Variants in CBY1 observed in about 807,000 individuals in gnomAD.
The protein encoded by CBY1 is protein chibby homolog 1.
In CBY1, 10 loss-of-function variants were observed where a neutral mutation model predicts 15.6. The ratio of observed to expected loss-of-function variants is 0.64; its 90% CI spans 0.40 to 1.09. CBY1 has a LOEUF of 1.09. Among genes scored for constraint, CBY1 ranks in the 50% least tolerant of loss-of-function variants. The pLI is 0.01. For missense variants in CBY1, 150 were observed against 160.5 expected (o/e 0.93, Z 0.35); for synonymous variants, 61 against 63.5 (o/e 0.96, Z 0.19).
At position 38,664,062 on chromosome 22, in the gene CBY1, G is replaced by C. The variant is rs553620590; in HGVS notation, c.-38-3955G>C. Among the ~76,000 whole-genome samples, 3 of 151,818 alleles carry C rather than the reference G, an allele frequency of 2.0e-5. No individual in the cohort carries two copies. The East Asian group carries it at 5.8e-4, about 29-fold the overall frequency. The stretch of plus-strand genomic sequence containing the variant: ...GGAGAAAGCAAAAAGAAAAAAGTGG[G>C]AGAAGATATTTTCAGTACTGTACAT... On this transcript the variant is annotated intron_variant, in intron 1 of 4. Transcript: ENST00000216029.
At chr22:38,668,348 A>C in intron 2 of CBY1, 1 of 474,314 alleles carries the variant, frequency 2.1e-6, no homozygotes, top group Non-Finnish European at 3.7e-6. Context: ...TCTCATTATG[A>C]TATTTGACCC....
intron 1 of CBY1, among the ~76,000 whole-genome samples, chr22:38,660,111 G>T (rs2092417892): frequency 6.6e-6 from 1 of 152,020 alleles, no homozygotes; most frequent in Admixed American, 6.6e-5. Flanking sequence ...AGTAATAACA[G>T]TGTCTTTTTC....
rs2092459168 is a variant in CBY1 at position 38,673,525 on chromosome 22, C to T, written c.*289C>T. 3.0e-6 allele frequency: 1 copy of T among 334,774 alleles called. No homozygotes were observed. The highest frequency in any genetic ancestry group is 2.1e-5 in the African/African-American group (1 of 47,546). 20.7% of individuals were successfully genotyped at this position (334,774 alleles called of 1,614,324 possible). A position where few individuals can be genotyped will look rare whatever the true frequency, so the allele number is the denominator to read the frequency against. Reference sequence around the variant, plus strand: ...CTTTTTGGTGCTCTCCACACACAAGCTCGCAAACACACATGTCCCAGAATA... The same window carrying T: ...CTTTTTGGTGCTCTCCACACACAAGTTCGCAAACACACATGTCCCAGAATA... On this transcript the variant is annotated 3_prime_UTR_variant, in exon 5 of 5. Transcript: ENST00000216029.
At chr22:38,658,333 C>G (rs903056957) in intron 1 of CBY1, among the ~76,000 whole-genome samples, 2 of 152,072 alleles carry the variant, frequency 1.3e-5, no homozygotes, top group African/African-American at 4.8e-5. Context: ...ACCATGTTGG[C>G]CAGGATAGTC....
intron 4 of CBY1, among the ~76,000 whole-genome samples, chr22:38,672,039 G>A (rs999945868): frequency 1.3e-5 from 2 of 151,702 alleles, no homozygotes; most frequent in Admixed American, 6.6e-5. Context: ...CAAGGTGGAC[G>A]GGTCACAAGG....
intron 1 of CBY1, among the ~76,000 whole-genome samples, chr22:38,665,860 C>A (rs1188630018): frequency 2.6e-5 from 4 of 151,910 alleles, no homozygotes; most frequent in Non-Finnish European, 5.9e-5. Flanking sequence ...CATGGTAAAA[C>A]CCTGTCTCTA....
chr22:38,671,269 TCTC>T (rs1260632922), intron 4 of CBY1, 81 bp downstream of exon 4: 1 of 1,056,700 alleles, frequency 9.5e-7, no homozygotes. Context: ...CCAACAGATA[TCTC>T]CTCAATGCCA....
chr22:38,668,183 G>C, intron 2 of CBY1, 51 bp downstream of exon 2: 1 of 1,077,748 alleles, frequency 9.3e-7, no homozygotes. Context: ...GTTGAGTGCT[G>C]AGCGTGTCTC....
In CBY1 at chr22:38,673,265, G is replaced by A. The variant is rs751808183; in HGVS notation, c.*29G>A. Reference sequence around the variant, plus strand: ...CCCCAGAGACATTTATTGGGGAGTAGGATGTGGCTGAGTGCTTTTTTTTTG... The same window carrying A: ...CCCCAGAGACATTTATTGGGGAGTAAGATGTGGCTGAGTGCTTTTTTTTTG... On this transcript the variant is annotated 3_prime_UTR_variant, in exon 5 of 5. Transcript: ENST00000216029. 4 of 1,493,698 alleles carry A rather than the reference G, an allele frequency of 2.7e-6. No individual in the cohort carries two copies. The highest frequency in any genetic ancestry group is 1.1e-5 in the South Asian group (1 of 88,516). The allele number at this position is 1,493,698 out of a possible 1,614,324, so 92.5% of individuals were successfully genotyped here.
intron 2 of CBY1, 118 bp from the exon 3 acceptor site, chr22:38,670,766 G>A: frequency 1.4e-6 from 1 of 692,054 alleles, no homozygotes; most frequent in Non-Finnish European, 2.6e-6. Context: ...AATCATTAAA[G>A]GTGCCAAGTA....
intron 2 of CBY1, chr22:38,668,365 T>G (rs1234325094): frequency 2.2e-6 from 1 of 446,892 alleles, no homozygotes; most frequent in East Asian, 3.9e-5. Flanking sequence ...ACCCCAAATA[T>G]CCAAATTTTT....
At chr22:38,665,408 G>C in intron 1 of CBY1, 1 of 366,610 alleles carries the variant, frequency 2.7e-6, no homozygotes, top group Non-Finnish European at 4.9e-6. Context: ...AGGCTACAGT[G>C]AACAGAGATG....
rs189058809 is a variant in CBY1 at position 38,663,828 on chromosome 22, C to A, written c.-38-4189C>A. ...CTTGAGGTCAGGAGTTCGAGACCAGCCTGGCCAACATGGCAAAACCCCATC... is the reference window on the plus strand; with the variant it reads ...CTTGAGGTCAGGAGTTCGAGACCAGACTGGCCAACATGGCAAAACCCCATC... On this transcript the variant is annotated intron_variant, in intron 1 of 4. Transcript: ENST00000216029. Among the ~76,000 whole-genome samples the A allele has an allele frequency of 3.1e-3, 476 of 151,832 alleles. 4 individuals are homozygous for A. The highest frequency in any genetic ancestry group is 0.01 in the Middle Eastern group (3 of 286).
intron 2 of CBY1, chr22:38,670,443 G>A (rs2092449298): frequency 6.4e-6 from 1 of 156,926 alleles, no homozygotes; most frequent in Non-Finnish European, 1.4e-5. Flanking sequence ...AAATTGTACT[G>A]TCGCACGTTA....
At chr22:38,665,547 A>G (rs934635682) in intron 1 of CBY1, 16 of 405,788 alleles carry the variant, frequency 3.9e-5, no homozygotes, top group Non-Finnish European at 6.9e-5. Context: ...ATACAATAGA[A>G]TATTATCCAG....
chr22:38,665,753 G>A (rs1284293420), intron 1 of CBY1: 1 of 1,219,200 alleles, frequency 8.2e-7, no homozygotes, highest in Non-Finnish European at 1.0e-6. Flanking sequence ...AAAATGTTTT[G>A]AGCCAGTGCG....
intron 1 of CBY1, chr22:38,667,792 T>C: frequency 2.2e-6 from 1 of 460,594 alleles, no homozygotes; most frequent in Non-Finnish European, 3.9e-6. Context: ...TCCATGACAA[T>C]GGCATTAATC....
chr22:38,670,192 T>C (rs569855877), intron 2 of CBY1: 1 of 152,206 alleles, frequency 6.6e-6, no homozygotes, highest in African/African-American at 2.4e-5. Context: ...ATTGTGCCAC[T>C]GCACTCCAGC....
At chr22:38,664,262 A>T (rs1263228101) in intron 1 of CBY1, among the ~76,000 whole-genome samples, 2 of 152,064 alleles carry the variant, frequency 1.3e-5, no homozygotes, top group East Asian at 1.9e-4. Flanking sequence ...GCTTGAGGTC[A>T]GGAGTTCGAG....
Sources: gnomAD v4.1 joint callset for allele counts (sites outside exome capture counted in the v4.1 genomes callset) on GRCh38, gnomAD v4.1.1 for gene constraint, MANE v1.5 for transcripts, NCBI Gene and HGNC (gene_info 2026-07-23, HGNC 2026-07-21) for gene names.